Variants in STK3 observed in about 807,000 individuals in gnomAD.
The protein encoded by STK3 is serine/threonine-protein kinase 3.
In STK3, 41 loss-of-function variants were observed where a neutral mutation model predicts 58.0. That is an observed-to-expected ratio of 0.71 (90% confidence interval 0.55 to 0.92). The LOEUF is 0.92. STK3 is among the 40% of genes least tolerant of loss of function. The pLI, the probability that STK3 is intolerant of heterozygous loss-of-function variation, is 0.00. For missense variants in STK3, 479 were observed against 602.7 expected, an observed-to-expected ratio of 0.79 and a Z score of 2.15; for synonymous variants, 170 against 191.0, an observed-to-expected ratio of 0.89 and a Z score of 0.91.
intron 4 of STK3, among the ~76,000 whole-genome samples, chr8:98,714,200 T>C (rs1826796927): frequency 2.6e-5 from 4 of 152,194 alleles, no homozygotes. Context: ...ACTGGAAGCA[T>C]TCCCTTTGAA....
chr8:98,419,061 C>T (rs1019429246), intron 3 of STK3, among the ~76,000 whole-genome samples: 1 of 152,172 alleles, frequency 6.6e-6, no homozygotes, highest in Non-Finnish European at 1.5e-5. Flanking sequence ...GGCTTCTGGC[C>T]CCAGGAGTCT....
At chr8:98,615,301 AC>A (rs1298856915) in intron 6 of STK3, among the ~76,000 whole-genome samples, 1 of 144,004 alleles carries the variant, frequency 6.9e-6, no homozygotes, top group Non-Finnish European at 1.5e-5. Flanking sequence ...CACACCGAAA[AC>A]CCATCTGTAC....
intron 9 of STK3, among the ~76,000 whole-genome samples, chr8:98,544,472 AT>A (rs1347631259): frequency 6.6e-6 from 1 of 152,120 alleles, no homozygotes; most frequent in Non-Finnish European, 1.5e-5. Context: ...ATTTATCTAT[AT>A]TTATCAGAGA....
At chr8:98,793,311 C>T (rs1564006543) in intron 1 of STK3, among the ~76,000 whole-genome samples, 2 of 151,936 alleles carry the variant, frequency 1.3e-5, no homozygotes, top group Admixed American at 6.6e-5. Flanking sequence ...CCACCTGTTC[C>T]CCAATAACTT....
intron 1 of STK3, among the ~76,000 whole-genome samples, chr8:98,819,051 C>G (rs1791316909): frequency 6.6e-6 from 1 of 152,138 alleles, no homozygotes; most frequent in Admixed American, 6.5e-5. Flanking sequence ...TCTCGATCTC[C>G]TGACCTCATG....
chr8:98,721,426 A>C (rs1006625001), intron 4 of STK3, among the ~76,000 whole-genome samples: 1 of 152,166 alleles, frequency 6.6e-6, no homozygotes, highest in Non-Finnish European at 1.5e-5. Flanking sequence ...GCTACCCAGC[A>C]GACTGAGGTG....
At chr8:98,661,579 C>T (rs961784862) in intron 6 of STK3, among the ~76,000 whole-genome samples, 2 of 152,036 alleles carry the variant, frequency 1.3e-5, no homozygotes, top group Non-Finnish European at 2.9e-5. Context: ...AAAATCAGAT[C>T]CCACCATTCT....
chr8:98,639,540 A>T (rs891487074), intron 6 of STK3, among the ~76,000 whole-genome samples: 1 of 152,218 alleles, frequency 6.6e-6, no homozygotes, highest in African/African-American at 2.4e-5. Context: ...CTAACACAGG[A>T]ATTTTTAGAC....
At chr8:98,892,443 C>A (rs1427594928) in intron 1 of STK3, among the ~76,000 whole-genome samples, 3 of 152,162 alleles carry the variant, frequency 2.0e-5, no homozygotes, top group African/African-American at 7.2e-5. Flanking sequence ...TCCTCAAGGC[C>A]CTCAGAATGA....
Position 98,653,656 on chromosome 8 carries a change from G to C in STK3, c.684+52811C>G, listed in dbSNP as rs898500561. 2.5e-3 allele frequency among the ~76,000 whole-genome samples: 385 copies of C among 151,878 alleles called. 1 individual carries two copies. Among genetic ancestry groups the C allele is most frequent in the African/African-American group, 8.6e-3 (356 of 41,464 alleles). On this transcript the variant is annotated intron_variant, in intron 6 of 10. Transcript: ENST00000419617. Reference sequence around the variant, plus strand: ...TAAAAAATGATAAAGGGGATATCACGACCGATCCCACAGAAATACAAACTA... The same window carrying C: ...TAAAAAATGATAAAGGGGATATCACCACCGATCCCACAGAAATACAAACTA...
At chr8:98,821,637 G>A (rs1834909872) in intron 1 of STK3, among the ~76,000 whole-genome samples, 1 of 150,920 alleles carries the variant, frequency 6.6e-6, no homozygotes, top group South Asian at 2.1e-4. Flanking sequence ...ACTCCAGCCA[G>A]GGCGATAGAG....
chr8:98,419,919 G>A (rs1374360235), intron 3 of STK3, among the ~76,000 whole-genome samples: 4 of 152,130 alleles, frequency 2.6e-5, no homozygotes, highest in Admixed American at 2.0e-4. Flanking sequence ...AGAGGATGCC[G>A]GGAAAGGATT....
chr8:98,448,788 AT>A (rs1297279696), intron 1 of STK3, among the ~76,000 whole-genome samples: 2 of 152,184 alleles, frequency 1.3e-5, no homozygotes, highest in Non-Finnish European at 2.9e-5. Context: ...GGGGTATGAC[AT>A]AGATTTGTAA....
At chr8:98,915,065 G>T (rs1014659837) in intron 1 of STK3, among the ~76,000 whole-genome samples, 3 of 152,112 alleles carry the variant, frequency 2.0e-5, no homozygotes, top group African/African-American at 7.2e-5. Flanking sequence ...AAGGGTGGTT[G>T]TGATGGTTAA....
the STK3 span, among the ~76,000 whole-genome samples, chr8:98,358,215 T>C: frequency 6.6e-6 from 1 of 152,094 alleles, no homozygotes; most frequent in East Asian, 1.9e-4. Flanking sequence ...AGGAACACAA[T>C]GCGTGAAGTG....
intron 1 of STK3, among the ~76,000 whole-genome samples, chr8:98,447,456 T>C (rs1436160301): frequency 1.3e-5 from 2 of 151,638 alleles, no homozygotes; most frequent in Admixed American, 6.6e-5. Context: ...AGGCCTTTTC[T>C]GTCAGAAGAA....
chr8:98,866,545 A>C (rs1837153344), intron 3 of STK3, among the ~76,000 whole-genome samples: 1 of 152,228 alleles, frequency 6.6e-6, no homozygotes. Flanking sequence ...TGCAGTAGGA[A>C]GAATACAAGG....
intron 3 of STK3, among the ~76,000 whole-genome samples, chr8:98,843,968 T>C (rs1450936286): frequency 6.6e-6 from 1 of 152,174 alleles, no homozygotes; most frequent in African/African-American, 2.4e-5. Context: ...AAGTCCAGCA[T>C]AGCCAACAAA....
At chr8:98,876,242 G>A (rs1327616327) in intron 3 of STK3, among the ~76,000 whole-genome samples, 1 of 152,156 alleles carries the variant, frequency 6.6e-6, no homozygotes, top group African/African-American at 2.4e-5. Flanking sequence ...TGAGAGGTTG[G>A]GGAAGGAAAA....
Sources: gnomAD v4.1 joint callset for allele counts (sites outside exome capture counted in the v4.1 genomes callset) on GRCh38, gnomAD v4.1.1 for gene constraint, MANE v1.5 for transcripts, NCBI Gene and HGNC (gene_info 2026-07-23, HGNC 2026-07-21) for gene names.